The following MYO1H variants were observed in gnomAD, a reference collection of about 807,000 sequenced individuals.
The protein encoded by MYO1H is myosin IH.
In MYO1H, 118 loss-of-function variants were observed where a neutral mutation model predicts 149.3. That is an observed-to-expected ratio of 0.79 (90% CI 0.68 to 0.92). The LOEUF is 0.92. Among genes scored for constraint, MYO1H ranks in the 40% least tolerant of loss-of-function variants. The pLI, the probability that MYO1H is intolerant of heterozygous loss-of-function variation, is 0.00. For missense variants in MYO1H, 1,212 were observed against 1,280.7 expected (o/e 0.95, Z 0.82); for synonymous variants, 447 against 465.2 (o/e 0.96, Z 0.50).
At chr12:109,374,725 A>G (rs1488097335) in intron 1 of MYO1H, among the ~76,000 whole-genome samples, 2 of 152,148 alleles carry the variant, frequency 1.3e-5, no homozygotes, top group East Asian at 1.9e-4. Flanking sequence ...TCCATATAGT[A>G]TAAGAGTTTC....
intron 3 of MYO1H, among the ~76,000 whole-genome samples, chr12:109,393,772 T>G (rs547820191): frequency 1.8e-4 from 27 of 152,330 alleles, no homozygotes; most frequent in African/African-American, 4.8e-4. Context: ...CTTGCCTTCT[T>G]GTGAAGTAAG....
intron 19 of MYO1H, among the ~76,000 whole-genome samples, chr12:109,431,581 G>T (rs191750828): frequency 6.6e-6 from 1 of 152,256 alleles, no homozygotes; most frequent in African/African-American, 2.4e-5. Context: ...TCCCGCTCCG[G>T]AGCTGGGCTG....
chr12:109,310,742 G>C, the MYO1H span, among the ~76,000 whole-genome samples: 7 of 152,170 alleles, frequency 4.6e-5, no homozygotes, highest in Non-Finnish European at 7.3e-5. Context: ...CTCACAAATG[G>C]TTTTCTGGTA....
At chr12:109,426,609 C>G (rs1484234815) in intron 18 of MYO1H, among the ~76,000 whole-genome samples, 1 of 152,142 alleles carries the variant, frequency 6.6e-6, no homozygotes. Context: ...GTTTCAGGAG[C>G]AACACAGCTG....
chr12:109,403,231 A>C (rs539339516), intron 6 of MYO1H, among the ~76,000 whole-genome samples: 5 of 152,348 alleles, frequency 3.3e-5, no homozygotes, highest in Admixed American at 1.3e-4. Context: ...CACAACGTGC[A>C]GGTTAGTTAC....
the MYO1H span, among the ~76,000 whole-genome samples, chr12:109,333,835 G>A: frequency 1.3e-5 from 2 of 152,166 alleles, no homozygotes; most frequent in African/African-American, 2.4e-5. Flanking sequence ...TTATCAGGAT[G>A]TAACCCCATT....
chr12:109,404,232 T>C (rs1411460192), intron 7 of MYO1H, among the ~76,000 whole-genome samples, 152 bp downstream of exon 7: 3 of 152,062 alleles, frequency 2.0e-5, no homozygotes, highest in African/African-American at 7.2e-5. Flanking sequence ...AATTCCAGCA[T>C]TTTGGGAGGA....
intron 9 of MYO1H, among the ~76,000 whole-genome samples, 194 bp from the exon 10 acceptor site, chr12:109,407,600 C>CAAAA (rs776897477): frequency 1.0e-4 from 7 of 68,392 alleles, no homozygotes; most frequent in Admixed American, 1.9e-4. Context: ...CACATTTCTA[C>CAAAA]AAAAAAAAAA....
chr12:109,368,452 T>A (rs1868914118), intron 1 of MYO1H, among the ~76,000 whole-genome samples: 1 of 152,134 alleles, frequency 6.6e-6, no homozygotes, highest in Non-Finnish European at 1.5e-5. Context: ...GGTCAGGAGT[T>A]TGAGACCATC....
At chr12:109,426,639 G>A (rs183179409) in intron 18 of MYO1H, among the ~76,000 whole-genome samples, 9 of 152,288 alleles carry the variant, frequency 5.9e-5, no homozygotes, top group Admixed American at 4.6e-4. Flanking sequence ...GGTGTCAGAG[G>A]CGAAGGGAGT....
At chr12:109,336,315 C>G in the MYO1H span, among the ~76,000 whole-genome samples, 1 of 152,166 alleles carries the variant, frequency 6.6e-6, no homozygotes, top group Admixed American at 6.5e-5. Context: ...TCATTGCCTT[C>G]TAACCCCTGT....
chr12:109,416,378 G>GTTTTTTTTTT (rs771334177), intron 15 of MYO1H, among the ~76,000 whole-genome samples: 5 of 135,386 alleles, frequency 3.7e-5, no homozygotes, highest in African/African-American at 1.1e-4. Flanking sequence ...TGTTGTTGTT[G>GTTTTTTTTTT]GTTTTTTTTT....
intron 1 of MYO1H, among the ~76,000 whole-genome samples, chr12:109,367,306 T>C (rs1868884439): frequency 6.6e-6 from 1 of 152,100 alleles, no homozygotes; most frequent in South Asian, 2.1e-4. Flanking sequence ...AGGAAGGATA[T>C]GAGTAGGTGG....
intron 27 of MYO1H, 86 bp from the exon 28 acceptor site, chr12:109,443,428 C>G: frequency 6.9e-7 from 1 of 1,459,148 alleles, no homozygotes; most frequent in Non-Finnish European, 9.3e-7. Context: ...TTTCTAAATG[C>G]TTGACATCAC....
rs1872378877 is a variant in MYO1H, at chr12:109,444,267, A to AG, written c.2881dup (p.Asp961GlyfsTer17). 1 of 1,613,864 alleles carries AG rather than the reference A, an allele frequency of 6.2e-7. No homozygotes were observed. The highest frequency in any genetic ancestry group is 1.3e-5 in the African/African-American group (1 of 75,032). Reference sequence around the variant, plus strand: ...ATCTTAGTCATTCATGTTTCACCAGAGGACAGCAAGCAAAAGGTAATTGAC... The same window carrying AG: ...ATCTTAGTCATTCATGTTTCACCAGAGGGACAGCAAGCAAAAGGTAATTGAC... On this transcript the variant is annotated frameshift_variant, in exon 29 of 32. Coordinates refer to ENST00000310903, the Ensembl canonical transcript of MYO1H. LOFTEE classifies it high-confidence loss of function.
intron 10 of MYO1H, among the ~76,000 whole-genome samples, chr12:109,409,246 C>CTTTTTTTTTTTTTTTTTTT (rs66507410): frequency 1.3e-4 from 6 of 47,840 alleles, no homozygotes; most frequent in Admixed American, 3.2e-4. Context: ...TCTTCTTCTT[C>CTTTTTTTTTTTTTTTTTTT]TTTTTTTTTT....
At chr12:109,345,926 G>C (rs961518335), upstream of MYO1H, among the ~76,000 whole-genome samples, 1 of 152,192 alleles carries the variant, frequency 6.6e-6, no homozygotes, top group Non-Finnish European at 1.5e-5. Flanking sequence ...CAGATTAGTG[G>C]TTTCAAGGTG....
chr12:109,424,603 T>C, intron 16 of MYO1H, 145 bp from the exon 17 acceptor site: 2 of 598,900 alleles, frequency 3.3e-6, no homozygotes, highest in Non-Finnish European at 5.9e-6. Flanking sequence ...ACTGTGTTGT[T>C]CCCCTTTCTT....
At chr12:109,406,947 G>A in intron 9 of MYO1H, 87 bp downstream of exon 9, 14 of 1,239,236 alleles carry the variant, frequency 1.1e-5, no homozygotes, top group Non-Finnish European at 1.4e-5. Flanking sequence ...CCTCAGGGGA[G>A]GCCAAACCTT....
Sources: gnomAD v4.1 joint callset for allele counts (sites outside exome capture counted in the v4.1 genomes callset) on GRCh38, gnomAD v4.1.1 for gene constraint, MANE v1.5 for transcripts, NCBI Gene and HGNC (gene_info 2026-07-23, HGNC 2026-07-21) for gene names.